Variants in SLC71A2 observed in about 807,000 individuals in gnomAD.
SLC71A2 encodes hippocampus abundant transcript-like 1.
the SLC71A2 span, chr9:94,456,173 T>C: frequency 9.5e-7 from 1 of 1,055,788 alleles, no homozygotes; most frequent in Non-Finnish European, 1.4e-6. Context: ...TGCCACTGAT[T>C]GCATTCCGAA....
At chr9:94,447,212 T>C in the SLC71A2 span, among the ~76,000 whole-genome samples, 1 of 151,632 alleles carries the variant, frequency 6.6e-6, no homozygotes, top group Admixed American at 6.6e-5. Flanking sequence ...GGAGTTTTGC[T>C]CTTGTCCACC....
At chr9:94,456,236 G>A in the SLC71A2 span, 3 of 1,612,020 alleles carry the variant, frequency 1.9e-6, no homozygotes, top group African/African-American at 2.7e-5. Flanking sequence ...TCCTGTCATT[G>A]CAGGATGATG....
At chr9:94,456,772 A>C in the SLC71A2 span, among the ~76,000 whole-genome samples, 2 of 152,142 alleles carry the variant, frequency 1.3e-5, no homozygotes, top group African/African-American at 4.8e-5. Flanking sequence ...ATAGTTTGAG[A>C]GTAGTAAGAA....
chr9:94,417,537 G>A, the SLC71A2 span, among the ~76,000 whole-genome samples: 2 of 152,108 alleles, frequency 1.3e-5, no homozygotes, highest in African/African-American at 2.4e-5. Context: ...TGAGGCAGGA[G>A]AATTGCTTGA....
the SLC71A2 span, among the ~76,000 whole-genome samples, chr9:94,384,225 C>G: frequency 2.6e-5 from 4 of 152,060 alleles, no homozygotes; most frequent in African/African-American, 9.7e-5. Flanking sequence ...CTTTAGATAC[C>G]TCATATATAT....
At chr9:94,400,509 GA>G in the SLC71A2 span, among the ~76,000 whole-genome samples, 745 of 130,124 alleles carry the variant, frequency 5.7e-3, 8 homozygotes, top group African/African-American at 0.02. Context: ...AGTCTTAAAG[GA>G]AAAAAAAAAA....
At chr9:94,402,913 T>G in the SLC71A2 span, among the ~76,000 whole-genome samples, 1 of 152,194 alleles carries the variant, frequency 6.6e-6, no homozygotes, top group African/African-American at 2.4e-5. Context: ...GTTTTTAAAG[T>G]TTCAGTTCAA....
At chr9:94,394,919 T>G in the SLC71A2 span, among the ~76,000 whole-genome samples, 511 of 51,520 alleles carry the variant, frequency 9.9e-3, 1 homozygote, top group Non-Finnish European at 0.017. Flanking sequence ...TTTTTTGTTT[T>G]TTTTTTTTTT....
the SLC71A2 span, among the ~76,000 whole-genome samples, chr9:94,440,165 T>G: frequency 6.6e-6 from 1 of 152,016 alleles, no homozygotes; most frequent in Non-Finnish European, 1.5e-5. Context: ...CTCTTATTTT[T>G]TTTTTTGAGA....
chr9:94,432,639 A>C, the SLC71A2 span: 1 of 180,892 alleles, frequency 5.5e-6, no homozygotes, highest in African/African-American at 2.4e-5. Flanking sequence ...TTTCACAAGT[A>C]GGATGCACAT....
the SLC71A2 span, among the ~76,000 whole-genome samples, chr9:94,390,026 AAC>A: frequency 6.6e-6 from 1 of 152,156 alleles, no homozygotes; most frequent in Admixed American, 6.5e-5. Flanking sequence ...CATCCTGGCT[AAC>A]ACAGTGAAAC....
chr9:94,414,729 G>T, the SLC71A2 span, among the ~76,000 whole-genome samples: 2 of 151,944 alleles, frequency 1.3e-5, no homozygotes, highest in African/African-American at 2.4e-5. Flanking sequence ...GCGGGATTTC[G>T]GCTCACTGCA....
chr9:94,439,010 G>T, the SLC71A2 span, among the ~76,000 whole-genome samples: 2 of 138,874 alleles, frequency 1.4e-5, no homozygotes, highest in East Asian at 2.0e-4. Context: ...ATAATAATGT[G>T]AATTTGAGTT....
chr9:94,460,613 CT>C, the SLC71A2 span: 1 of 147,666 alleles, frequency 6.8e-6, no homozygotes, highest in Admixed American at 6.7e-5. Flanking sequence ...TAGGGCCCAC[CT>C]TTAACAGAGC....
chr9:94,408,816 C>T, the SLC71A2 span, among the ~76,000 whole-genome samples: 1 of 91,328 alleles, frequency 1.1e-5, no homozygotes, highest in Admixed American at 9.4e-5. Context: ...TTTCCTTTTT[C>T]TGTTTTTTTT....
the SLC71A2 span, among the ~76,000 whole-genome samples, chr9:94,449,468 G>A: frequency 6.6e-6 from 1 of 152,104 alleles, no homozygotes; most frequent in Admixed American, 6.5e-5. Context: ...ATCTACAAAA[G>A]GCCAATAAGC....
the SLC71A2 span, among the ~76,000 whole-genome samples, chr9:94,435,650 CTTTTTTT>C: frequency 4.1e-5 from 2 of 48,400 alleles, no homozygotes; most frequent in African/African-American, 1.5e-4. Context: ...TTTCCTTCTT[CTTTTTTT>C]TTTTTTTTTT....
the SLC71A2 span, among the ~76,000 whole-genome samples, chr9:94,395,789 C>T: frequency 5.3e-5 from 8 of 152,284 alleles, no homozygotes; most frequent in South Asian, 2.1e-4. Flanking sequence ...GATTCATCTC[C>T]GGACCTAGTG....
the SLC71A2 span, among the ~76,000 whole-genome samples, chr9:94,455,943 A>G: frequency 8.5e-5 from 13 of 152,196 alleles, no homozygotes; most frequent in Non-Finnish European, 1.6e-4. Flanking sequence ...AACTTCATTG[A>G]GCTTATGTCT....
Sources: gnomAD v4.1 joint callset for allele counts (sites outside exome capture counted in the v4.1 genomes callset) on GRCh38, gnomAD v4.1.1 for gene constraint, MANE v1.5 for transcripts, NCBI Gene and HGNC (gene_info 2026-07-23, HGNC 2026-07-21) for gene names.